Variants in KIDINS220 observed in about 807,000 individuals in gnomAD.
KIDINS220 encodes the protein kinase D-interacting substrate of 220 kDa.
A neutral mutation model predicts 157.6 loss-of-function variants in KIDINS220; 63 were observed. The ratio of observed to expected loss-of-function variants is 0.40; its 90% CI spans 0.33 to 0.49. The LOEUF is 0.49. Ranked by LOEUF, KIDINS220 falls within the 20% of genes least tolerant of loss-of-function variation. The pLI is 0.66. For missense variants in KIDINS220, 1,772 were observed against 2,171.2 expected, an observed-to-expected ratio of 0.82 and a Z score of 3.65; for synonymous variants, 732 against 783.6, an observed-to-expected ratio of 0.93 and a Z score of 1.10.
chr2:8,749,496 A>T (rs2148043951), intron 24 of KIDINS220: 1 of 430,374 alleles, frequency 2.3e-6, no homozygotes, highest in East Asian at 7.4e-5. Context: ...ACAGGGCCTG[A>T]ATACCACTGA....
intron 4 of KIDINS220, among the ~76,000 whole-genome samples, chr2:8,816,237 C>T (rs1181387916): frequency 6.6e-6 from 1 of 152,134 alleles, no homozygotes; most frequent in Non-Finnish European, 1.5e-5. Flanking sequence ...ACATTCATAA[C>T]GTATATTTTA....
intron 1 of KIDINS220, among the ~76,000 whole-genome samples, chr2:8,830,611 G>A (rs946461683): frequency 3.3e-5 from 5 of 152,124 alleles, no homozygotes; most frequent in South Asian, 2.1e-4. Context: ...TAGAAATGAA[G>A]TTTCACCATG....
At chr2:8,819,836 A>T (rs1558488229) in intron 2 of KIDINS220, among the ~76,000 whole-genome samples, 1 of 152,158 alleles carries the variant, frequency 6.6e-6, no homozygotes, top group Admixed American at 6.5e-5. Context: ...AAAAAAATTT[A>T]AATTAAAATT....
rs1018074819 is a variant in KIDINS220, at chr2:8,789,739, G to A, written c.1621+141C>T. On this transcript the variant is annotated intron_variant, in intron 14 of 29. Coordinates refer to ENST00000256707, the MANE Select transcript of KIDINS220 (RefSeq NM_020738.4). Reference sequence around the variant, plus strand: ...ATGTTCCTTTAGGAAAATTTATGGAGTAGCAAAAAGATCAATTTTCTCACC... The same window carrying A: ...ATGTTCCTTTAGGAAAATTTATGGAATAGCAAAAAGATCAATTTTCTCACC... 3 of 689,408 alleles carry A rather than the reference G, an allele frequency of 4.4e-6. No homozygotes were observed. In the African/African-American group the frequency reaches 5.5e-5, roughly 13 times the overall value. The allele number at this position is 689,408 out of a possible 1,614,324, so 42.7% of individuals were successfully genotyped here. A position where few individuals can be genotyped will look rare whatever the true frequency, so the allele number is the denominator to read the frequency against.
chr2:8,733,772 T>A, intron 28 of KIDINS220, 92 bp from the exon 29 acceptor site: 1 of 825,764 alleles, frequency 1.2e-6, no homozygotes, highest in South Asian at 2.2e-5. Context: ...TATAAAGCTA[T>A]TGCAACAGCA....
rs1572482588 is a variant in KIDINS220 at position 8,748,082 on chromosome 2, AGATAC to A, written c.3415-87_3415-83del. The A allele has an allele frequency of 4.2e-6, 3 of 717,204 alleles. No individual in the cohort carries two copies. In the East Asian group the frequency reaches 9.0e-5, roughly 21 times the overall value. 44.4% of individuals were successfully genotyped at this position (717,204 alleles called of 1,614,324 possible). ...TGAGATTTTTCAAATGAAACCAATAAGATACAACTCCAAAACTTTAATGCAAATGA... is the reference window on the plus strand; with the variant it reads ...TGAGATTTTTCAAATGAAACCAATAAAACTCCAAAACTTTAATGCAAATGA... On this transcript the variant is annotated intron_variant, in intron 24 of 29. Coordinates refer to ENST00000256707, the MANE Select transcript of KIDINS220 (RefSeq NM_020738.4).
chr2:8,804,668 CAAT>C (rs1301980253), intron 7 of KIDINS220, among the ~76,000 whole-genome samples: 1 of 152,162 alleles, frequency 6.6e-6, no homozygotes, highest in African/African-American at 2.4e-5. Flanking sequence ...TAATGCAGCA[CAAT>C]GTTTTCCCCA....
At chr2:8,793,705 C>A in intron 12 of KIDINS220, 105 bp downstream of exon 12, 1 of 1,060,028 alleles carries the variant, frequency 9.4e-7, no homozygotes. Context: ...TCCTCAAGTG[C>A]TGGGATTACA....
chr2:8,801,580 G>A (rs1227194345), intron 8 of KIDINS220, among the ~76,000 whole-genome samples: 3 of 152,172 alleles, frequency 2.0e-5, no homozygotes, highest in Non-Finnish European at 4.4e-5. Context: ...CAAACACTAT[G>A]CAAATAAAAT....
intron 1 of KIDINS220, among the ~76,000 whole-genome samples, chr2:8,828,260 C>T (rs991162174): frequency 1.3e-5 from 2 of 152,176 alleles, no homozygotes; most frequent in African/African-American, 2.4e-5. Context: ...TTCCACAGGA[C>T]ATGCACACGG....
At chr2:8,732,003 T>A (rs939191677) in intron 29 of KIDINS220, 21 bp from the exon 30 acceptor site, 2 of 1,526,132 alleles carry the variant, frequency 1.3e-6, no homozygotes, top group Non-Finnish European at 1.8e-6. Context: ...AGAAAAAAAA[T>A]AATTTAAAAA....
At position 8,835,915 on chromosome 2, in the gene KIDINS220, G is replaced by A. The variant is rs530407884; in HGVS notation, c.-37+1565C>T. On this transcript the variant is annotated intron_variant, in intron 1 of 29. Coordinates refer to ENST00000256707, the MANE Select transcript of KIDINS220 (RefSeq NM_020738.4). ...TACATGATCCTATAAAAATTAATCT[G>A]GCAGTGTATGTGACCCAGACTGGAA... is the stretch of plus-strand genomic sequence containing the variant. Among the ~76,000 whole-genome samples the A allele has an allele frequency of 5.7e-4, 87 of 152,192 alleles. 1 individual carries two copies. The highest frequency in any genetic ancestry group is 2.0e-3 in the African/African-American group (81 of 41,526).
At position 8,818,810 on chromosome 2, in the gene KIDINS220, A is replaced by G; in HGVS notation, c.109-17T>C. On this transcript the variant is annotated splice_polypyrimidine_tract_variant and intron_variant, in intron 2 of 29. Transcript: ENST00000256707. ...CTGGCCACACTAGAGAATATAAAAG[A>G]CAAAGGGAACTTATCAAGTTACTGC... 1 of 1,442,258 alleles carries G rather than the reference A, an allele frequency of 6.9e-7. No individual in the cohort carries two copies. Among genetic ancestry groups the G allele is most frequent in the Non-Finnish European group, 9.6e-7 (1 of 1,043,534 alleles). 89.3% of individuals were successfully genotyped at this position (1,442,258 alleles called of 1,614,324 possible). A position where few individuals can be genotyped will look rare whatever the true frequency, so the allele number is the denominator to read the frequency against.
intron 1 of KIDINS220, among the ~76,000 whole-genome samples, chr2:8,832,611 T>A (rs1056217721): frequency 6.6e-6 from 1 of 152,206 alleles, no homozygotes; most frequent in South Asian, 2.1e-4. Context: ...AAGGAGGAGA[T>A]GATTAGCTTT....
intron 26 of KIDINS220, among the ~76,000 whole-genome samples, chr2:8,744,996 A>G (rs1666342671): frequency 6.6e-6 from 1 of 152,166 alleles, no homozygotes; most frequent in Admixed American, 6.5e-5. Context: ...TGAGCTTCTA[A>G]ACACATCTCA....
At chr2:8,762,904 C>T (rs1415678314) in intron 22 of KIDINS220, among the ~76,000 whole-genome samples, 2 of 152,122 alleles carry the variant, frequency 1.3e-5, no homozygotes, top group Admixed American at 6.5e-5. Context: ...AAGCTTTCCA[C>T]ACAAAACCTA....
At chr2:8,831,190 T>C (rs562578463) in intron 1 of KIDINS220, among the ~76,000 whole-genome samples, 14 of 152,332 alleles carry the variant, frequency 9.2e-5, no homozygotes, top group African/African-American at 3.1e-4. Flanking sequence ...ACGGAAAGCT[T>C]TGCTCTCCAC....
intron 22 of KIDINS220, among the ~76,000 whole-genome samples, chr2:8,765,345 C>G (rs1283635489): frequency 6.6e-6 from 1 of 152,166 alleles, no homozygotes; most frequent in African/African-American, 2.4e-5. Context: ...GATATCTTTC[C>G]TACACCTAGC....
intron 6 of KIDINS220, among the ~76,000 whole-genome samples, chr2:8,810,378 T>C (rs1302851093): frequency 6.6e-6 from 1 of 152,194 alleles, no homozygotes; most frequent in African/African-American, 2.4e-5. Context: ...TGCTAATGAG[T>C]GACAGATTAG....
Sources: gnomAD v4.1 joint callset for allele counts (sites outside exome capture counted in the v4.1 genomes callset) on GRCh38, gnomAD v4.1.1 for gene constraint, MANE v1.5 for transcripts, NCBI Gene and HGNC (gene_info 2026-07-23, HGNC 2026-07-21) for gene names.